TTC39C: variants seen among roughly 807,000 people sequenced by gnomAD.
TTC39C encodes the protein tetratricopeptide repeat domain 39C.
In TTC39C, 33 loss-of-function variants were observed where a neutral mutation model predicts 76.3. The ratio of observed to expected loss-of-function variants is 0.43; its 90% CI spans 0.33 to 0.58. TTC39C has a LOEUF of 0.58. Ranked by LOEUF, TTC39C falls within the 20% of genes least tolerant of loss-of-function variation. The probability of loss-of-function intolerance (pLI) is 0.04; values close to 1 mark genes in which losing one functional copy is unlikely to be tolerated. For synonymous variants in TTC39C, 254 were observed against 260.6 expected, an observed-to-expected ratio of 0.97 and a Z score of 0.24; for missense variants, 595 against 701.4, an observed-to-expected ratio of 0.85 and a Z score of 1.71.
intron 6 of TTC39C, among the ~76,000 whole-genome samples, chr18:24,102,192 A>G (rs977526171): frequency 1.3e-5 from 2 of 152,228 alleles, no homozygotes; most frequent in Admixed American, 1.3e-4. Flanking sequence ...ACTACGAAGC[A>G]CTTTCCGTCA....
rs1320474029 is a variant in TTC39C, at chr18:24,063,713, C to CAA, written c.168-426_168-425insAA. Among the ~76,000 whole-genome samples the CAA allele has an allele frequency of 2.6e-5, 4 of 152,174 alleles. 1 individual carries two copies. The East Asian group carries it at 7.7e-4, about 29-fold the overall frequency. The stretch of plus-strand genomic sequence containing the variant: ...ATTTTTAGTAGAGATGGGGTTTTGT[C>CAA]ATGTTGGCTAGGCTGGTCTCCAACT... On this transcript the variant is annotated intron_variant, in intron 1 of 13. Coordinates refer to ENST00000317571, the MANE Select transcript of TTC39C (RefSeq NM_001135993.2).
At chr18:24,086,790 G>A (rs1164023393) in intron 6 of TTC39C, among the ~76,000 whole-genome samples, 1 of 152,206 alleles carries the variant, frequency 6.6e-6, no homozygotes, top group South Asian at 2.1e-4. Context: ...TACATTGCTG[G>A]GGGGAATGAA....
chr18:24,025,435 G>A (rs1399993073), intron 1 of TTC39C, among the ~76,000 whole-genome samples: 1 of 152,230 alleles, frequency 6.6e-6, no homozygotes, highest in Admixed American at 6.5e-5. Context: ...CAGTGTTGCT[G>A]TTGGTGACAT....
At chr18:24,026,662 C>G (rs1341609300) in intron 1 of TTC39C, among the ~76,000 whole-genome samples, 1 of 152,114 alleles carries the variant, frequency 6.6e-6, no homozygotes, top group Non-Finnish European at 1.5e-5. Context: ...TGGGGCTTTT[C>G]CAGGAAGATA....
chr18:24,089,208 C>T (rs139911591), intron 6 of TTC39C, among the ~76,000 whole-genome samples: 169 of 152,218 alleles, frequency 1.1e-3, no homozygotes, highest in African/African-American at 3.9e-3. Flanking sequence ...CTCTAGGGTA[C>T]GTTGACATTA....
At position 24,132,555 on chromosome 18, in the gene TTC39C, G is replaced by A; in HGVS notation, c.1733G>A (p.Arg578Lys). The change falls in exon 14 of 14, where the codon AGG (arginine) becomes AAG (lysine). Residue 578 changes from arginine (R) to lysine (K), a missense_variant. Coordinates refer to ENST00000317571, the MANE Select transcript of TTC39C (RefSeq NM_001135993.2). ...ATCCATGCTGCTCTGGCCTCTCTGAGGGAATTGGTTCCTCAGTGACAGACC... is the reference window on the plus strand; with the variant it reads ...ATCCATGCTGCTCTGGCCTCTCTGAAGGAATTGGTTCCTCAGTGACAGACC... ...VRIHAALASLRELVPQ is the reference protein window; with the variant it reads ...VRIHAALASLKELVPQ 2 of 1,613,904 alleles carry A rather than the reference G, an allele frequency of 1.2e-6. No homozygotes were observed. The highest frequency in any genetic ancestry group is 1.7e-6 in the Non-Finnish European group (2 of 1,179,922).
intron 1 of TTC39C, among the ~76,000 whole-genome samples, chr18:24,016,315 A>AT (rs2083454335): frequency 6.6e-6 from 1 of 152,178 alleles, no homozygotes; most frequent in African/African-American, 2.4e-5. Flanking sequence ...AAGGCTGTTG[A>AT]TGGGGGATTT....
chr18:24,039,957 G>A (rs898280936), intron 1 of TTC39C, among the ~76,000 whole-genome samples: 10 of 152,108 alleles, frequency 6.6e-5, no homozygotes, highest in Non-Finnish European at 1.3e-4. Context: ...CAAATTTGAA[G>A]GATTAAGCAA....
chr18:24,022,753 C>T (rs1255789055), intron 1 of TTC39C: 24 of 985,246 alleles, frequency 2.4e-5, no homozygotes, highest in South Asian at 4.7e-5. Context: ...GCCTGGCCTC[C>T]GATGTCCTGT....
At chr18:24,076,100 C>T (rs548663994) in intron 4 of TTC39C, among the ~76,000 whole-genome samples, 409 of 152,286 alleles carry the variant, frequency 2.7e-3, no homozygotes, top group African/African-American at 9.7e-3. Context: ...CCTCAGCCTC[C>T]TGAGTAGCTG....
At chr18:24,011,423 A>G (rs539463966), upstream of TTC39C, among the ~76,000 whole-genome samples, 97 of 152,366 alleles carry the variant, frequency 6.4e-4, no homozygotes, top group Middle Eastern at 0.01. Context: ...GGAGCTTCCA[A>G]AAACCTTTTG....
chr18:24,045,269 C>CAAAAAGA (rs375664139), intron 1 of TTC39C, among the ~76,000 whole-genome samples: 1 of 87,906 alleles, frequency 1.1e-5, no homozygotes, highest in Non-Finnish European at 2.0e-5. Context: ...ACTCTGTCTC[C>CAAAAAGA]AAAAAAAAAA....
intron 1 of TTC39C, among the ~76,000 whole-genome samples, chr18:24,048,268 A>G (rs1365222296): frequency 2.0e-5 from 3 of 152,256 alleles, no homozygotes; most frequent in African/African-American, 7.2e-5. Flanking sequence ...GTGCCTTCCA[A>G]AATGTGCTAT....
chr18:23,993,457 T>C (rs1013623463), intron 1 of TTC39C, among the ~76,000 whole-genome samples: 8 of 152,232 alleles, frequency 5.3e-5, no homozygotes, highest in Non-Finnish European at 5.9e-5. Flanking sequence ...CTAATTATTA[T>C]GAAGTACACG....
chr18:24,122,075 CCTCAGCT>C (rs992223559), intron 8 of TTC39C, among the ~76,000 whole-genome samples: 43 of 152,320 alleles, frequency 2.8e-4, no homozygotes, highest in Non-Finnish European at 5.4e-4. Flanking sequence ...GTCTTTGCAT[CCTCAGCT>C]CTCTCCGAGC....
At chr18:24,055,245 T>C (rs1469358540) in intron 1 of TTC39C, among the ~76,000 whole-genome samples, 1 of 152,210 alleles carries the variant, frequency 6.6e-6, no homozygotes, top group Non-Finnish European at 1.5e-5. Context: ...TTCAATTCTT[T>C]TGTGTATATG....
chr18:24,012,012 A>G (rs2083397036), upstream of TTC39C, among the ~76,000 whole-genome samples: 1 of 152,164 alleles, frequency 6.6e-6, no homozygotes. Flanking sequence ...CTTCTTAGAT[A>G]TCACTATCTG....
At chr18:24,092,444 T>C (rs565539869) in intron 6 of TTC39C, among the ~76,000 whole-genome samples, 2 of 152,344 alleles carry the variant, frequency 1.3e-5, no homozygotes, top group African/African-American at 2.4e-5. Flanking sequence ...CCACTCCATA[T>C]TATTATCCAT....
rs1401898190 is a variant in TTC39C, at chr18:24,133,338, T to G, written c.*764T>G. On this transcript the variant is annotated 3_prime_UTR_variant, in exon 14 of 14. Coordinates refer to ENST00000317571, the MANE Select transcript of TTC39C (RefSeq NM_001135993.2). The stretch of plus-strand genomic sequence containing the variant: ...CAGAATGTTTCAAAGCGATGGACAC[T>G]CTTTTTCCTTTGAAAGCCAACCAAG... 1 of 152,352 alleles carries G rather than the reference T, an allele frequency of 6.6e-6. No individual in the cohort carries two copies. Among genetic ancestry groups the G allele is most frequent in the East Asian group, 1.9e-4 (1 of 5,192 alleles). 9.4% of individuals were successfully genotyped at this position (152,352 alleles called of 1,614,324 possible). A position where few individuals can be genotyped will look rare whatever the true frequency, so the allele number is the denominator to read the frequency against.
Sources: gnomAD v4.1 joint callset for allele counts (sites outside exome capture counted in the v4.1 genomes callset) on GRCh38, gnomAD v4.1.1 for gene constraint, MANE v1.5 for transcripts, NCBI Gene and HGNC (gene_info 2026-07-23, HGNC 2026-07-21) for gene names.